Variants in GPC6 observed in about 807,000 individuals in gnomAD.
GPC6 encodes glypican-6.
GPC6 carries 14 observed loss-of-function variants against 55.2 expected under a neutral mutation model. The observed-to-expected ratio is 0.25, with a 90% CI of 0.17 to 0.40. The LOEUF (loss-of-function observed/expected upper bound fraction) is 0.40. Among genes scored for constraint, GPC6 ranks in the 10% least tolerant of loss-of-function variants. GPC6 has a pLI of 1.00. For missense variants in GPC6, 641 were observed against 708.5 expected, an observed-to-expected ratio of 0.90 and a Z score of 1.08; for synonymous variants, 278 against 259.6, an observed-to-expected ratio of 1.07 and a Z score of -0.68.
chr13:93,264,958 A>G (rs1396075761), intron 1 of GPC6, among the ~76,000 whole-genome samples: 8 of 152,156 alleles, frequency 5.3e-5, no homozygotes, highest in Admixed American at 5.2e-4. Context: ...TCATTCACCA[A>G]CACTTTTTTT....
intron 4 of GPC6, among the ~76,000 whole-genome samples, chr13:94,029,308 T>G (rs1418264921): frequency 1.3e-5 from 2 of 152,240 alleles, no homozygotes; most frequent in Non-Finnish European, 2.9e-5. Context: ...TCTCTTTGTA[T>G]GATCATGAGT....
chr13:93,418,623 T>C (rs1337942931), intron 1 of GPC6, among the ~76,000 whole-genome samples: 1 of 151,318 alleles, frequency 6.6e-6, no homozygotes, highest in Non-Finnish European at 1.5e-5. Flanking sequence ...ATCATTTTAT[T>C]AATAGCGCTA....
chr13:93,256,648 TATGTAG>T (rs1876962960), intron 1 of GPC6, among the ~76,000 whole-genome samples: 2 of 152,120 alleles, frequency 1.3e-5, no homozygotes, highest in Non-Finnish European at 2.9e-5. Flanking sequence ...AAACAACCTC[TATGTAG>T]ATGTTGACTA....
chr13:94,216,770 C>T (rs1890236714), intron 4 of GPC6, among the ~76,000 whole-genome samples: 1 of 152,168 alleles, frequency 6.6e-6, no homozygotes, highest in Non-Finnish European at 1.5e-5. Context: ...TTACTCCACT[C>T]CAGCCCAAAC....
chr13:93,733,237 A>G (rs1042690207), intron 2 of GPC6, among the ~76,000 whole-genome samples: 4 of 152,168 alleles, frequency 2.6e-5, no homozygotes, highest in African/African-American at 9.6e-5. Context: ...AATGAAGAAT[A>G]CATCCTGGTT....
intron 2 of GPC6, among the ~76,000 whole-genome samples, chr13:93,673,760 T>C (rs1198943809): frequency 1.3e-5 from 2 of 152,188 alleles, no homozygotes; most frequent in Non-Finnish European, 2.9e-5. Context: ...TATGGAAAGA[T>C]ATAACAAAAC....
intron 6 of GPC6, among the ~76,000 whole-genome samples, chr13:94,336,137 G>A (rs999755438): frequency 9.9e-5 from 15 of 152,038 alleles, no homozygotes; most frequent in African/African-American, 1.9e-4. Context: ...TGACACACCC[G>A]AGCCGCAGGT....
intron 1 of GPC6, among the ~76,000 whole-genome samples, chr13:93,322,921 T>C (rs897282703): frequency 6.6e-6 from 1 of 152,112 alleles, no homozygotes; most frequent in South Asian, 2.1e-4. Flanking sequence ...GTATTTCTCC[T>C]AATGCTATCC....
intron 6 of GPC6, among the ~76,000 whole-genome samples, chr13:94,345,603 C>G (rs1281477915): frequency 6.6e-6 from 1 of 152,124 alleles, no homozygotes; most frequent in African/African-American, 2.4e-5. Context: ...ATGAAAAACA[C>G]GTGGGTCTAA....
chr13:93,283,673 G>A (rs746981693), intron 1 of GPC6, among the ~76,000 whole-genome samples: 12 of 152,176 alleles, frequency 7.9e-5, no homozygotes, highest in Admixed American at 1.3e-4. Context: ...TTAGTTACAC[G>A]TAATAACAGA....
chr13:94,401,688 A>G (rs1054757372), intron 8 of GPC6, among the ~76,000 whole-genome samples: 6 of 152,192 alleles, frequency 3.9e-5, no homozygotes, highest in Non-Finnish European at 8.8e-5. Context: ...ATAAAACTTC[A>G]TATATGGATG....
chr13:93,355,175 T>C (rs1160997795), intron 1 of GPC6, among the ~76,000 whole-genome samples: 1 of 152,196 alleles, frequency 6.6e-6, no homozygotes, highest in Non-Finnish European at 1.5e-5. Flanking sequence ...TGCTTTCTCT[T>C]CTCCTTTATA....
intron 4 of GPC6, among the ~76,000 whole-genome samples, chr13:94,111,603 C>T (rs984419508): frequency 6.6e-6 from 1 of 151,870 alleles, no homozygotes; most frequent in Non-Finnish European, 1.5e-5. Flanking sequence ...GAATTATTCT[C>T]TGATTTCTTA....
chr13:94,256,801 C>T (rs1891519472), intron 4 of GPC6, among the ~76,000 whole-genome samples: 1 of 152,158 alleles, frequency 6.6e-6, no homozygotes, highest in Non-Finnish European at 1.5e-5. Flanking sequence ...CTTGATGACT[C>T]ACCAAGCAAC....
intron 2 of GPC6, among the ~76,000 whole-genome samples, chr13:93,754,472 A>G (rs1436060503): frequency 1.3e-5 from 2 of 152,270 alleles, no homozygotes; most frequent in Admixed American, 1.3e-4. Flanking sequence ...AAAGAGATAA[A>G]TAATTAATCG....
chr13:93,822,040 C>T (rs200703367), intron 2 of GPC6, among the ~76,000 whole-genome samples: 1 of 151,022 alleles, frequency 6.6e-6, no homozygotes, highest in Admixed American at 6.6e-5. Context: ...TATGTATACA[C>T]ATGATATACA....
At chr13:94,116,986 C>G (rs1886454153) in intron 4 of GPC6, among the ~76,000 whole-genome samples, 1 of 151,870 alleles carries the variant, frequency 6.6e-6, no homozygotes, top group East Asian at 1.9e-4. Flanking sequence ...TCTTTTCCCC[C>G]CCAAATACAG....
At chr13:93,457,609 A>G (rs1878504330) in intron 1 of GPC6, among the ~76,000 whole-genome samples, 1 of 152,176 alleles carries the variant, frequency 6.6e-6, no homozygotes, top group Non-Finnish European at 1.5e-5. Context: ...TCTCCCAAGT[A>G]AGGGAAGAAA....
chr13:94,364,419 G>C (rs536008057), intron 6 of GPC6, among the ~76,000 whole-genome samples: 2 of 152,132 alleles, frequency 1.3e-5, no homozygotes, highest in Non-Finnish European at 2.9e-5. Flanking sequence ...CCTCACCGGG[G>C]TAAGAACTTG....
Sources: gnomAD v4.1 joint callset for allele counts (sites outside exome capture counted in the v4.1 genomes callset) on GRCh38, gnomAD v4.1.1 for gene constraint, MANE v1.5 for transcripts, NCBI Gene and HGNC (gene_info 2026-07-23, HGNC 2026-07-21) for gene names.